Variants in ROBO2 observed in about 807,000 individuals in gnomAD.
The protein encoded by ROBO2 is roundabout guidance receptor 2.
Under a neutral mutation model 160.8 loss-of-function variants are expected in ROBO2, and 53 were observed. That is an observed-to-expected ratio of 0.33 (90% CI 0.26 to 0.41). The LOEUF (loss-of-function observed/expected upper bound fraction) is 0.41. Ranked by LOEUF, ROBO2 falls within the 10% of genes least tolerant of loss-of-function variation. The probability of loss-of-function intolerance (pLI) is 1.00; values close to 1 mark genes in which losing one functional copy is unlikely to be tolerated. For synonymous variants in ROBO2, 664 were observed against 611.7 expected (o/e 1.09, Z -1.26); for missense variants, 1,577 against 1,722.4 (o/e 0.92, Z 1.49).
At chr3:77,231,284 A>G (rs770410691) in intron 2 of ROBO2, among the ~76,000 whole-genome samples, 31 of 146,660 alleles carry the variant, frequency 2.1e-4, no homozygotes, top group South Asian at 2.2e-4. Flanking sequence ...AATCGCTTGA[A>G]CCTGGGAGGA....
At chr3:76,436,536 CACTT>C (rs2076691472) in intron 2 of ROBO2, among the ~76,000 whole-genome samples, 2 of 152,272 alleles carry the variant, frequency 1.3e-5, no homozygotes, top group Admixed American at 6.5e-5. Flanking sequence ...CTAGGACAAA[CACTT>C]ACCAAAATAG....
At chr3:76,607,991 A>T (rs554583651) in intron 2 of ROBO2, among the ~76,000 whole-genome samples, 33 of 152,300 alleles carry the variant, frequency 2.2e-4, no homozygotes, top group African/African-American at 7.5e-4. Context: ...TTGCTTATGG[A>T]TTCATAGAGT....
rs1302318850 is a variant in ROBO2 at position 77,233,499 on chromosome 3, C to T, written c.388+135159C>T. Among the ~76,000 whole-genome samples, 3 of 152,096 alleles carry T rather than the reference C, an allele frequency of 2.0e-5. No individual in the cohort carries two copies. In the East Asian group the frequency reaches 5.8e-4, roughly 29 times the overall value. On this transcript the variant is annotated intron_variant, in intron 2 of 25. Coordinates refer to ENST00000461745, the Ensembl canonical transcript of ROBO2. ...TGTGTTACAGAAGAGAAGGCCTGCCCATCACTATATGTAAAATCACTGTAT... is the reference window on the plus strand; with the variant it reads ...TGTGTTACAGAAGAGAAGGCCTGCCTATCACTATATGTAAAATCACTGTAT...
chr3:77,010,819 CTCCT>C (rs1289807865), intron 2 of ROBO2, among the ~76,000 whole-genome samples: 1 of 149,742 alleles, frequency 6.7e-6, no homozygotes, highest in African/African-American at 2.4e-5. Flanking sequence ...TTTTCTTTCT[CTCCT>C]TCCTTCCTTC....
chr3:76,328,854 G>A (rs1025235504), intron 2 of ROBO2, among the ~76,000 whole-genome samples: 2 of 149,054 alleles, frequency 1.3e-5, no homozygotes, highest in Admixed American at 6.8e-5. Flanking sequence ...GCGAGACTCC[G>A]TCTCAAAACA....
At chr3:77,074,797 C>G (rs963314088) in intron 1 of ROBO2, among the ~76,000 whole-genome samples, 4 of 152,126 alleles carry the variant, frequency 2.6e-5, no homozygotes, top group African/African-American at 7.2e-5. Context: ...CATTTTAGCA[C>G]AACATAAATG....
intron 2 of ROBO2, among the ~76,000 whole-genome samples, chr3:77,016,906 G>T (rs925842572): frequency 1.3e-5 from 2 of 152,114 alleles, no homozygotes; most frequent in African/African-American, 4.8e-5. Flanking sequence ...ACACATCTCA[G>T]AATATATTTC....
chr3:76,523,560 A>G (rs2081760724), intron 2 of ROBO2, among the ~76,000 whole-genome samples: 1 of 152,146 alleles, frequency 6.6e-6, no homozygotes, highest in African/African-American at 2.4e-5. Context: ...CTGATGTAGT[A>G]TTCCTCTTCT....
At chr3:76,600,490 G>C (rs776893000) in intron 2 of ROBO2, among the ~76,000 whole-genome samples, 13 of 152,124 alleles carry the variant, frequency 8.5e-5, no homozygotes, top group African/African-American at 2.7e-4. Flanking sequence ...GGCTCGGAAG[G>C]CCTCACAGTC....
chr3:76,073,149 C>T lies in ROBO2; in HGVS notation c.109+135547C>T, dbSNP rs1233724986. 2.6e-5 allele frequency among the ~76,000 whole-genome samples: 4 copies of T among 151,772 alleles called. No homozygotes were observed. The East Asian group carries it at 7.8e-4, about 29-fold the overall frequency. On this transcript the variant is annotated intron_variant, in intron 2 of 26. Coordinates refer to the ROBO2 transcript ENST00000487694. ...GAAATTTGTAGGGGAGGCTGCTCTC[C>T]ATAATTAAGTCTAGTATCATTATTT... is the stretch of plus-strand genomic sequence containing the variant.
intron 2 of ROBO2, among the ~76,000 whole-genome samples, chr3:76,851,601 G>A (rs1191378415): frequency 6.7e-6 from 1 of 150,140 alleles, no homozygotes; most frequent in African/African-American, 2.5e-5. Context: ...CGGGCGCGGT[G>A]GCGGGCGCCT....
At chr3:77,105,992 A>G (rs1398661995) in intron 2 of ROBO2, among the ~76,000 whole-genome samples, 1 of 152,168 alleles carries the variant, frequency 6.6e-6, no homozygotes, top group Non-Finnish European at 1.5e-5. Flanking sequence ...TTTCATATAA[A>G]GTTAAGAAAA....
At chr3:77,195,831 C>A (rs1379103106) in intron 2 of ROBO2, among the ~76,000 whole-genome samples, 5 of 152,178 alleles carry the variant, frequency 3.3e-5, no homozygotes, top group Non-Finnish European at 7.3e-5. Context: ...ACCTACCAGA[C>A]CTCATTATAT....
At chr3:76,555,426 A>G (rs199942870) in intron 2 of ROBO2, among the ~76,000 whole-genome samples, 2,140 of 96,570 alleles carry the variant, frequency 0.022, 93 homozygotes, top group African/African-American at 0.079. Flanking sequence ...AGAAAGAAGG[A>G]GAAGGGGAAG....
At position 77,642,532 on chromosome 3, in the gene ROBO2, ATAAT is replaced by A. The variant is rs1250542706; in HGVS notation, c.3935-2170_3935-2167del. ...GCAATAATATGAGCTTTGGAAATAA[ATAAT>A]TGACTTTTATTTTCCCCAAATTTTT... On this transcript the variant is annotated intron_variant, in intron 24 of 25. Transcript: ENST00000461745. 6 of 357,736 alleles carry A rather than the reference ATAAT, an allele frequency of 1.7e-5. No individual in the cohort carries two copies. The East Asian group carries it at 4.4e-4, about 26-fold the overall frequency. The allele number at this position is 357,736 out of a possible 1,614,324, so 22.2% of individuals were successfully genotyped here. A position where few individuals can be genotyped will look rare whatever the true frequency, so the allele number is the denominator to read the frequency against.
At chr3:76,466,027 G>A (rs890670450) in intron 2 of ROBO2, among the ~76,000 whole-genome samples, 1 of 150,228 alleles carries the variant, frequency 6.7e-6, no homozygotes, top group African/African-American at 2.4e-5. Context: ...GTGTGTGTGT[G>A]TGTATGTAAA....
chr3:76,518,069 T>C (rs986925581), intron 2 of ROBO2, among the ~76,000 whole-genome samples: 4 of 152,144 alleles, frequency 2.6e-5, no homozygotes, highest in African/African-American at 7.2e-5. Flanking sequence ...TTAGAATACA[T>C]TGTAATTACT....
At chr3:76,903,307 T>G (rs2148886536) in intron 2 of ROBO2, among the ~76,000 whole-genome samples, 1 of 152,090 alleles carries the variant, frequency 6.6e-6, no homozygotes, top group East Asian at 1.9e-4. Context: ...TATTAAGAGG[T>G]TTTTCTTCTG....
At chr3:76,567,689 ATATG>A (rs1195955513) in intron 2 of ROBO2, among the ~76,000 whole-genome samples, 1 of 137,684 alleles carries the variant, frequency 7.3e-6, no homozygotes, top group African/African-American at 2.6e-5. Context: ...ATGTATATAT[ATATG>A]TATATCAGTG....
Sources: allele counts gnomAD v4.1 joint callset (sites outside exome capture counted in the v4.1 genomes callset), GRCh38; gene constraint gnomAD v4.1.1; transcripts MANE v1.5; gene names NCBI Gene and HGNC (gene_info 2026-07-23, HGNC 2026-07-21).